RORA: variants seen among roughly 807,000 people sequenced by gnomAD.
RORA encodes RAR related orphan receptor A.
Under a neutral mutation model 69.5 loss-of-function variants are expected in RORA, and 7 were observed. The observed-to-expected ratio is 0.10, with a 90% confidence interval of 0.06 to 0.19. RORA has a LOEUF of 0.19. Ranked by LOEUF, RORA falls within the 10% of genes least tolerant of loss-of-function variation. The probability of loss-of-function intolerance (pLI) is 1.00; values close to 1 mark genes in which losing one functional copy is unlikely to be tolerated. For synonymous variants in RORA, 261 were observed against 240.8 expected, an observed-to-expected ratio of 1.08 and a Z score of -0.78; for missense variants, 457 against 663.0, an observed-to-expected ratio of 0.69 and a Z score of 3.41.
chr15:60,797,865 A>G (rs1387656839), intron 1 of RORA, among the ~76,000 whole-genome samples: 2 of 152,214 alleles, frequency 1.3e-5, no homozygotes, highest in Non-Finnish European at 2.9e-5. Context: ...GGACTTGCTC[A>G]CACAAACTGG....
intron 1 of RORA, among the ~76,000 whole-genome samples, chr15:60,822,600 A>G (rs1268245073): frequency 1.3e-5 from 2 of 152,176 alleles, no homozygotes; most frequent in African/African-American, 4.8e-5. Context: ...TGCTCCCCAC[A>G]ACGAGGCTGA....
At chr15:61,154,734 G>C (rs1022686998) in intron 1 of RORA, among the ~76,000 whole-genome samples, 1 of 152,184 alleles carries the variant, frequency 6.6e-6, no homozygotes, top group African/African-American at 2.4e-5. Flanking sequence ...GGTGGTCTTA[G>C]AGCTAGGGTA....
At chr15:61,140,028 T>C (rs547212001) in intron 1 of RORA, among the ~76,000 whole-genome samples, 1 of 152,328 alleles carries the variant, frequency 6.6e-6, no homozygotes, top group South Asian at 2.1e-4. Context: ...ACATTCTCAG[T>C]TGTACTGCTA....
chr15:60,774,846 G>C (rs1437216779), intron 1 of RORA, among the ~76,000 whole-genome samples: 2 of 152,194 alleles, frequency 1.3e-5, no homozygotes, highest in Non-Finnish European at 2.9e-5. Context: ...GCATAACCAT[G>C]TTCCTTAGAT....
intron 1 of RORA, among the ~76,000 whole-genome samples, chr15:60,973,668 G>T (rs930575075): frequency 6.6e-6 from 1 of 152,168 alleles, no homozygotes; most frequent in Non-Finnish European, 1.5e-5. Flanking sequence ...TTGCCCTCAC[G>T]ACCCTTGTAG....
rs1383215766 is a variant in RORA at position 60,987,590 on chromosome 15, AACCACATCCTTCAGGATGTGTAT to A, written c.166+241440_166+241462del. Among the ~76,000 whole-genome samples the A allele has an allele frequency of 2.2e-3, 330 of 152,306 alleles. 1 individual carries two copies. Among genetic ancestry groups the A allele is most frequent in the African/African-American group, 7.5e-3 (311 of 41,558 alleles). ...TTAATACCAAAAACCTGAGACTTAT[AACCACATCCTTCAGGATGTGTAT>A]GATTTGTACAACATTTTGGGGATTT... On this transcript the variant is annotated intron_variant, in intron 1 of 10. Transcript: ENST00000335670.
intron 1 of RORA, among the ~76,000 whole-genome samples, chr15:61,197,642 T>C (rs150436300): frequency 1.6e-3 from 239 of 152,296 alleles, no homozygotes; most frequent in African/African-American, 5.3e-3. Flanking sequence ...GAGAAGGACA[T>C]TCACTGGGAA....
intron 1 of RORA, among the ~76,000 whole-genome samples, chr15:61,167,089 C>A (rs1325564256): frequency 1.3e-5 from 2 of 152,228 alleles, no homozygotes; most frequent in African/African-American, 4.8e-5. Context: ...TAATGCTTCT[C>A]TGTTCAAAAT....
chr15:61,175,382 A>C (rs1463656526), intron 1 of RORA, among the ~76,000 whole-genome samples: 2 of 151,958 alleles, frequency 1.3e-5, no homozygotes, highest in Non-Finnish European at 2.9e-5. Flanking sequence ...GGCCAAGGAG[A>C]CTAGGGAGTT....
chr15:60,823,110 T>TTC (rs143703146), intron 1 of RORA, among the ~76,000 whole-genome samples: 3 of 73,552 alleles, frequency 4.1e-5, no homozygotes, highest in African/African-American at 1.5e-4. Context: ...ATTCTTCTCT[T>TTC]TCTCTCTCTC....
At chr15:61,136,119 C>T (rs1567005861) in intron 1 of RORA, among the ~76,000 whole-genome samples, 2 of 152,148 alleles carry the variant, frequency 1.3e-5, no homozygotes. Context: ...ATTTTCCACT[C>T]TTCTTGAAAG....
intron 1 of RORA, among the ~76,000 whole-genome samples, chr15:61,084,289 C>T (rs182081938): frequency 6.6e-6 from 1 of 152,336 alleles, no homozygotes; most frequent in East Asian, 1.9e-4. Context: ...AGAAGTCCAT[C>T]TGCCTGGACA....
Position 60,965,410 on chromosome 15 carries a change from C to A in RORA, c.166+263643G>T, listed in dbSNP as rs142391534. On this transcript the variant is annotated intron_variant, in intron 1 of 10. Transcript: ENST00000335670. ...TTGTCCCAAGGCCCAGTAGTCAGGGCCCAAATCCAAATGTAGAATTAGCAA... is the reference window on the plus strand; with the variant it reads ...TTGTCCCAAGGCCCAGTAGTCAGGGACCAAATCCAAATGTAGAATTAGCAA... Among the ~76,000 whole-genome samples, 864 of 152,262 alleles carry A rather than the reference C, an allele frequency of 5.7e-3. 8 individuals carry two copies. Among genetic ancestry groups the A allele is most frequent in the African/African-American group, 0.02 (822 of 41,554 alleles).
intron 1 of RORA, among the ~76,000 whole-genome samples, chr15:60,722,402 GA>G (rs758678827): frequency 2.0e-5 from 3 of 152,298 alleles, no homozygotes; most frequent in South Asian, 2.1e-4. Context: ...CTATTTCTTA[GA>G]ACTTTTATCT....
chr15:61,214,275 T>C (rs951789483), intron 1 of RORA: 2 of 152,240 alleles, frequency 1.3e-5, no homozygotes, highest in South Asian at 2.1e-4. Context: ...GAATATGATA[T>C]TGATGCTTTT....
intron 1 of RORA, among the ~76,000 whole-genome samples, chr15:60,701,124 C>G (rs1170981313): frequency 6.6e-6 from 1 of 152,186 alleles, no homozygotes; most frequent in Non-Finnish European, 1.5e-5. Flanking sequence ...TACATTCATC[C>G]CTCACTATCT....
intron 1 of RORA, among the ~76,000 whole-genome samples, chr15:60,807,545 C>T (rs2072677182): frequency 6.6e-6 from 1 of 152,038 alleles, no homozygotes; most frequent in Non-Finnish European, 1.5e-5. Flanking sequence ...AAAATATCAC[C>T]ATCATTCTTC....
At chr15:61,163,639 A>G (rs966611838) in intron 1 of RORA, among the ~76,000 whole-genome samples, 38 of 152,232 alleles carry the variant, frequency 2.5e-4, no homozygotes, top group Non-Finnish European at 8.8e-5. Flanking sequence ...CACAGGTGAC[A>G]TCGAAGCAGT....
chr15:60,666,026 C>A (rs1000832897), intron 2 of RORA, among the ~76,000 whole-genome samples: 2 of 152,038 alleles, frequency 1.3e-5, no homozygotes, highest in Non-Finnish European at 2.9e-5. Context: ...TTTGGCCAAA[C>A]TGAAATGAGC....
Sources: gnomAD v4.1 joint callset for allele counts (sites outside exome capture counted in the v4.1 genomes callset) on GRCh38, gnomAD v4.1.1 for gene constraint, MANE v1.5 for transcripts, NCBI Gene and HGNC (gene_info 2026-07-23, HGNC 2026-07-21) for gene names.